VPS36: variants seen among roughly 807,000 people sequenced by gnomAD.
VPS36 encodes the protein vacuolar protein-sorting-associated protein 36.
VPS36 carries 31 observed loss-of-function variants against 63.5 expected under a neutral mutation model. That is an observed-to-expected ratio of 0.49 (90% CI 0.37 to 0.66). The LOEUF (loss-of-function observed/expected upper bound fraction) is 0.66. Among genes scored for constraint, VPS36 ranks in the 30% least tolerant of loss-of-function variants. The pLI, the probability that VPS36 is intolerant of heterozygous loss-of-function variation, is 0.00. For missense variants in VPS36, 338 were observed against 463.7 expected (o/e 0.73, Z 2.49); for synonymous variants, 138 against 157.2 (o/e 0.88, Z 0.91).
chr13:52,440,930 C>T (rs1958269727), intron 2 of VPS36, among the ~76,000 whole-genome samples: 1 of 152,166 alleles, frequency 6.6e-6, no homozygotes, highest in African/African-American at 2.4e-5. Context: ...TTCAGACCAT[C>T]AGGCATTAGA....
chr13:52,424,653 G>T (rs982257131), intron 9 of VPS36, among the ~76,000 whole-genome samples: 1 of 152,076 alleles, frequency 6.6e-6, no homozygotes. Context: ...CCAACAAACT[G>T]CAATGAATCC....
intron 9 of VPS36, among the ~76,000 whole-genome samples, chr13:52,424,332 T>G (rs931091318): frequency 6.6e-6 from 1 of 152,146 alleles, no homozygotes; most frequent in African/African-American, 2.4e-5. Context: ...AGGTAATGAC[T>G]GTCAATGGCT....
At position 52,416,012 on chromosome 13, in the gene VPS36, C is replaced by T. The variant is rs1566081171; in HGVS notation, c.1067+5G>A. On this transcript the variant is annotated splice_donor_5th_base_variant and intron_variant, in intron 13 of 13. Transcript: ENST00000378060. The stretch of plus-strand genomic sequence containing the variant: ...ATTGTAATGAAAGGTAAGAACCTTA[C>T]TTACCTTTCTTTGGCTAGGAGGACA... 1 of 1,613,934 alleles carries T rather than the reference C, an allele frequency of 6.2e-7. No individual in the cohort carries two copies. Among genetic ancestry groups the T allele is most frequent in the East Asian group, 2.2e-5 (1 of 44,862 alleles).
intron 6 of VPS36, among the ~76,000 whole-genome samples, chr13:52,428,798 A>G (rs548388893): frequency 5.3e-5 from 8 of 152,256 alleles, no homozygotes; most frequent in African/African-American, 1.9e-4. Flanking sequence ...TATATGGTAA[A>G]TCACTGTATT....
At chr13:52,447,207 T>C (rs1003433121) in intron 1 of VPS36, among the ~76,000 whole-genome samples, 1 of 152,110 alleles carries the variant, frequency 6.6e-6, no homozygotes, top group East Asian at 1.9e-4. Flanking sequence ...CCAATCCCTA[T>C]GGTGGACATT....
At chr13:52,434,973 T>C (rs1958199571) in intron 4 of VPS36, 91 bp from the exon 5 acceptor site, 2 of 598,624 alleles carry the variant, frequency 3.3e-6, no homozygotes, top group Non-Finnish European at 4.6e-6. Context: ...CTTTTTTTCT[T>C]TTTTTTTTTT....
At chr13:52,434,717 TCA>T (rs1359202087) in intron 5 of VPS36, 74 bp downstream of exon 5, 2 of 1,368,404 alleles carry the variant, frequency 1.5e-6, no homozygotes, top group African/African-American at 1.5e-5. Context: ...AGTTCTACAA[TCA>T]CAGAGTCTTT....
chr13:52,436,196 T>G (rs1248297559), intron 4 of VPS36, 94 bp downstream of exon 4: 1 of 778,456 alleles, frequency 1.3e-6, no homozygotes, highest in Admixed American at 2.6e-5. Context: ...TAATACTACC[T>G]TCCATCATAT....
Position 52,436,387 on chromosome 13 carries a change from T to C in VPS36, c.254A>G (p.His85Arg), listed in dbSNP as rs1184734095. The C allele has an allele frequency of 6.2e-7, 1 of 1,611,876 alleles. No homozygotes were observed. ...GIGKSAKIVV[H>R]LHPAPPNKEP... ...TTTGTTAGGAGGAGCTGGGTGAAGA[T>C]GAACCACTATTTTGGCACTGAAGAA... The change falls in exon 4 of 14, where the codon CAT becomes CGT. Residue 85 changes from histidine to arginine, a missense_variant. His to Arg is a conservative substitution (Grantham distance 29). Transcript: ENST00000378060.
rs1411030861 is a variant in VPS36 at position 52,418,010 on chromosome 13, G to A, written c.887C>T (p.Ala296Val). ...CCTTTACCTGAGAGGTAATTTCAGT[G>A]CTTCCAGCATCTTGCACGCATTCAC... The part of the protein sequence containing the change: ...DLVNACKMLE[A>V]LKLPLRLRVF... The change falls in exon 11 of 14, where the codon GCA becomes GTA. Residue 296 changes from alanine to valine, a missense_variant. Transcript: ENST00000378060. The A allele has an allele frequency of 9.9e-6, 16 of 1,610,774 alleles. No homozygotes were observed. The highest frequency in any genetic ancestry group is 1.4e-5 in the Non-Finnish European group (16 of 1,178,650).
chr13:52,434,226 T>C (rs561216685), intron 5 of VPS36, among the ~76,000 whole-genome samples: 2 of 152,326 alleles, frequency 1.3e-5, no homozygotes, highest in Non-Finnish European at 2.9e-5. Flanking sequence ...AATGTCACAC[T>C]GATTATGAAG....
Position 52,415,158 on chromosome 13 carries a change from T to C in VPS36, c.*672A>G, listed in dbSNP as rs1445031670. The C allele has an allele frequency of 2.0e-5, 3 of 152,156 alleles. No homozygotes were observed. The highest frequency in any genetic ancestry group is 2.0e-4 in the Admixed American group (3 of 15,274). 9.4% of individuals were successfully genotyped at this position (152,156 alleles called of 1,614,324 possible). A position where few individuals can be genotyped will look rare whatever the true frequency, so the allele number is the denominator to read the frequency against. On this transcript the variant is annotated 3_prime_UTR_variant, in exon 14 of 14. Transcript: ENST00000378060. ...ATTTGTAATCATAACTCTGGGCATG[T>C]CTATACAGCTCTCTAGTTCAGTTTC...
intron 1 of VPS36, among the ~76,000 whole-genome samples, chr13:52,447,011 G>T (rs1300583899): frequency 6.6e-6 from 1 of 151,816 alleles, no homozygotes; most frequent in East Asian, 1.9e-4. Flanking sequence ...AAGTAGCTGG[G>T]ATTACAGGCA....
At chr13:52,440,131 A>G (rs1958261387) in intron 2 of VPS36, among the ~76,000 whole-genome samples, 1 of 151,930 alleles carries the variant, frequency 6.6e-6, no homozygotes, top group Admixed American at 6.6e-5. Context: ...GATGTGAGCC[A>G]CCATGCCTGG....
chr13:52,435,977 C>A lies in VPS36; in HGVS notation c.351+313G>T, dbSNP rs115311567. On this transcript the variant is annotated intron_variant, in intron 4 of 13. Transcript: ENST00000378060. Reference sequence around the variant, plus strand: ...CATACCACTGCATTTACACTCTGTTCCTTTAACTAAACTATACCACTGAAA... The same window carrying A: ...CATACCACTGCATTTACACTCTGTTACTTTAACTAAACTATACCACTGAAA... The A allele has an allele frequency of 6.4e-3, 1,428 of 224,398 alleles. 9 individuals are homozygous for A. The highest frequency in any genetic ancestry group is 0.017 in the African/African-American group (755 of 44,878). The allele number at this position is 224,398 out of a possible 1,614,324, so 13.9% of individuals were successfully genotyped here.
Position 52,444,830 on chromosome 13 carries a change from TAATA to T in VPS36, c.97-2389_97-2386del, listed in dbSNP as rs1958321763. On this transcript the variant is annotated intron_variant, in intron 1 of 13. Coordinates refer to ENST00000378060, the MANE Select transcript of VPS36 (RefSeq NM_016075.4). ...ATATTTAACAACTTTGTTACATGTCTAATAAATAAAAAAATCGATCACAGGCATG... is the reference window on the plus strand; with the variant it reads ...ATATTTAACAACTTTGTTACATGTCTAATAAAAAAATCGATCACAGGCATG... 3.9e-5 allele frequency among the ~76,000 whole-genome samples: 6 copies of T among 152,152 alleles called. No individual in the cohort carries two copies. The South Asian group carries it at 1.2e-3, about 32-fold the overall frequency.
intron 6 of VPS36, among the ~76,000 whole-genome samples, chr13:52,430,699 T>A (rs1352197729): frequency 6.6e-6 from 1 of 151,594 alleles, no homozygotes; most frequent in East Asian, 1.9e-4. Context: ...TGAAACTATA[T>A]ACTGAAAAAG....
chr13:52,439,450 A>AT (rs1165597275), intron 2 of VPS36, among the ~76,000 whole-genome samples: 1 of 149,534 alleles, frequency 6.7e-6, no homozygotes, highest in African/African-American at 2.5e-5. Context: ...TTATTTTTTA[A>AT]TTTATTTTTT....
chr13:52,429,143 T>C (rs1958131992), intron 6 of VPS36: 1 of 478,728 alleles, frequency 2.1e-6, no homozygotes. Context: ...ACACCTATAG[T>C]CAAATTTCCA....
Sources: gnomAD v4.1 joint callset for allele counts (sites outside exome capture counted in the v4.1 genomes callset) on GRCh38, gnomAD v4.1.1 for gene constraint, MANE v1.5 for transcripts, NCBI Gene and HGNC (gene_info 2026-07-23, HGNC 2026-07-21) for gene names.